Variants in LRBA observed in about 807,000 individuals in gnomAD.
The protein encoded by LRBA is lipopolysaccharide-responsive and beige-like anchor protein.
In LRBA, 176 loss-of-function variants were observed where a neutral mutation model predicts 330.0. The observed-to-expected ratio is 0.53, with a 90% CI of 0.47 to 0.60. The LOEUF is 0.60. Ranked by LOEUF, LRBA falls within the 20% of genes least tolerant of loss-of-function variation. The pLI is 0.00. For missense variants in LRBA, 3,259 were observed against 3,444.8 expected (o/e 0.95, Z 1.35); for synonymous variants, 1,230 against 1,193.0 (o/e 1.03, Z -0.64).
chr4:150,438,147 C>T (rs1193431876), intron 44 of LRBA, among the ~76,000 whole-genome samples: 2 of 152,130 alleles, frequency 1.3e-5, no homozygotes, highest in Non-Finnish European at 2.9e-5. Flanking sequence ...GTTAAGTACC[C>T]ACTCACTGAA....
chr4:150,361,832 G>A (rs770913426), intron 47 of LRBA, among the ~76,000 whole-genome samples: 10 of 149,618 alleles, frequency 6.7e-5, no homozygotes, highest in Non-Finnish European at 1.0e-4. Context: ...GTGCAGTGGC[G>A]TGATCTCAGC....
At chr4:150,644,266 T>C (rs539358941) in intron 37 of LRBA, among the ~76,000 whole-genome samples, 2 of 152,058 alleles carry the variant, frequency 1.3e-5, no homozygotes, top group African/African-American at 2.4e-5. Context: ...ATTATAATAT[T>C]GCTAATGCAT....
In LRBA at chr4:150,550,890, T is replaced by G. The variant is rs575278173; in HGVS notation, c.6330+37158A>C. Among the ~76,000 whole-genome samples, 3 of 152,282 alleles carry G rather than the reference T, an allele frequency of 2.0e-5. No individual in the cohort carries two copies. The South Asian group carries it at 6.2e-4, about 32-fold the overall frequency. ...TACTCAAATTTTGTATAACATTGGATCTCTGTTGTGTTATAAAATATTTGG... is the reference window on the plus strand; with the variant it reads ...TACTCAAATTTTGTATAACATTGGAGCTCTGTTGTGTTATAAAATATTTGG... On this transcript the variant is annotated intron_variant, in intron 40 of 56. Transcript: ENST00000651943.
chr4:150,885,592 T>C (rs1337229479), intron 17 of LRBA, among the ~76,000 whole-genome samples: 1 of 151,734 alleles, frequency 6.6e-6, no homozygotes, highest in Admixed American at 6.6e-5. Context: ...CTGTACTCCA[T>C]CCTGGGTGAC....
intron 53 of LRBA, among the ~76,000 whole-genome samples, chr4:150,288,105 C>T (rs1748373063): frequency 2.0e-5 from 3 of 151,756 alleles, no homozygotes; most frequent in African/African-American, 7.2e-5. Context: ...CATTCTCCTG[C>T]CTTGGCCTCC....
intron 2 of LRBA, among the ~76,000 whole-genome samples, chr4:150,989,592 G>A (rs1354433317): frequency 1.3e-5 from 2 of 151,932 alleles, no homozygotes; most frequent in Non-Finnish European, 2.9e-5. Context: ...CAGCCCGGGC[G>A]ACAGAGCGAG....
intron 48 of LRBA, among the ~76,000 whole-genome samples, chr4:150,332,075 CATAT>C: frequency 1.3e-5 from 2 of 152,160 alleles, no homozygotes; most frequent in East Asian, 1.9e-4. Context: ...ATTATTACAG[CATAT>C]ATATTAAAGA....
At chr4:150,336,070 CTTTTA>C in intron 48 of LRBA, among the ~76,000 whole-genome samples, 1 of 152,238 alleles carries the variant, frequency 6.6e-6, no homozygotes, top group East Asian at 1.9e-4. Context: ...ATATTTTTAA[CTTTTA>C]TTTTAGGTTC....
chr4:150,312,791 A>G (rs1360277000), intron 51 of LRBA, among the ~76,000 whole-genome samples: 1 of 152,140 alleles, frequency 6.6e-6, no homozygotes, highest in African/African-American at 2.4e-5. Context: ...ATGAATTGCC[A>G]CTAATGCAGA....
chr4:150,721,488 A>G (rs1167774600), intron 36 of LRBA: 1 of 251,874 alleles, frequency 4.0e-6, no homozygotes, highest in Non-Finnish European at 7.7e-6. Flanking sequence ...AGACCAAAAA[A>G]GAAAAGACTC....
Position 150,637,084 on chromosome 4 carries a change from A to G in LRBA, c.5922-37953T>C, listed in dbSNP as rs72736357. 1.6e-3 allele frequency among the ~76,000 whole-genome samples: 244 copies of G among 152,252 alleles called. 1 individual carries two copies. Among genetic ancestry groups the G allele is most frequent in the Admixed American group, 3.7e-3 (56 of 15,292 alleles). ...TCTTACGTGTATTTATATTTTCTAC[A>G]GTAAAAATATATTATTCTCATAATT... On this transcript the variant is annotated intron_variant, in intron 37 of 56. Coordinates refer to ENST00000651943, the MANE Select transcript of LRBA (RefSeq NM_001364905.1).
chr4:151,009,974 C>T (rs962116011), intron 2 of LRBA, among the ~76,000 whole-genome samples: 1 of 150,178 alleles, frequency 6.7e-6, no homozygotes, highest in African/African-American at 2.4e-5. Flanking sequence ...AGTGAGGCTC[C>T]ATCTCAAAAA....
At chr4:150,923,474 T>C (rs1293248317) in intron 4 of LRBA, among the ~76,000 whole-genome samples, 1 of 152,170 alleles carries the variant, frequency 6.6e-6, no homozygotes. Context: ...AGGGTAGCCT[T>C]CCTTGAAACT....
intron 22 of LRBA, among the ~76,000 whole-genome samples, chr4:150,857,668 T>C (rs1751386744): frequency 6.6e-6 from 1 of 152,298 alleles, no homozygotes; most frequent in Admixed American, 6.5e-5. Context: ...TGGTCAATGA[T>C]AAGGAACAGA....
intron 36 of LRBA, among the ~76,000 whole-genome samples, chr4:150,706,205 C>T (rs1309365097): frequency 6.6e-6 from 1 of 151,810 alleles, no homozygotes; most frequent in Non-Finnish European, 1.5e-5. Flanking sequence ...AGTATCAAAA[C>T]ACATTGTAAA....
rs1210970221 is a variant in LRBA at position 150,639,835 on chromosome 4, A to ATG, written c.5922-40705_5922-40704insCA. 1.0e-3 allele frequency among the ~76,000 whole-genome samples: 23 copies of ATG among 22,652 alleles called. 1 individual carries two copies. Among genetic ancestry groups the ATG allele is most frequent in the African/African-American group, 2.1e-3 (20 of 9,604 alleles). The allele number at this position is 22,652 out of a possible 152,430, so 14.9% of individuals were successfully genotyped here. ...TGTGTGTGTGTATATATATATATAT[A>ATG]TATATATATATATATATATATATAT... On this transcript the variant is annotated intron_variant, in intron 37 of 56. Transcript: ENST00000651943.
intron 40 of LRBA, among the ~76,000 whole-genome samples, chr4:150,517,481 A>G (rs978090357): frequency 6.6e-6 from 1 of 152,208 alleles, no homozygotes; most frequent in Admixed American, 6.5e-5. Context: ...TGATCATGCC[A>G]TCACACTCCA....
At chr4:150,451,501 A>G (rs1188970446) in intron 44 of LRBA, among the ~76,000 whole-genome samples, 2 of 152,168 alleles carry the variant, frequency 1.3e-5, no homozygotes, top group African/African-American at 4.8e-5. Flanking sequence ...AAAACATTTA[A>G]ATGGGATGAA....
intron 34 of LRBA, among the ~76,000 whole-genome samples, chr4:150,789,940 T>C (rs1332507679): frequency 6.6e-6 from 1 of 152,206 alleles, no homozygotes; most frequent in Admixed American, 6.5e-5. Flanking sequence ...TTCCCATTTG[T>C]GTATTTCTCC....
Sources: gnomAD v4.1 joint callset for allele counts (sites outside exome capture counted in the v4.1 genomes callset) on GRCh38, gnomAD v4.1.1 for gene constraint, MANE v1.5 for transcripts, NCBI Gene and HGNC (gene_info 2026-07-23, HGNC 2026-07-21) for gene names.